The following B4GALNT4 variants were observed in gnomAD, a reference collection of about 807,000 sequenced individuals.
B4GALNT4 encodes beta-1,4-N-acetyl-galactosaminyltransferase 4.
B4GALNT4 carries 77 observed loss-of-function variants against 110.0 expected under a neutral mutation model. The observed-to-expected ratio is 0.70, with a 90% CI of 0.58 to 0.85. The LOEUF (loss-of-function observed/expected upper bound fraction) is 0.85, where lower values mean the gene tolerates loss of function less well. B4GALNT4 is among the 40% of genes least tolerant of loss of function. B4GALNT4 has a pLI of 0.00. For missense variants in B4GALNT4, 1,575 were observed against 1,506.0 expected, an observed-to-expected ratio of 1.05 and a Z score of -0.76; for synonymous variants, 785 against 655.5, an observed-to-expected ratio of 1.20 and a Z score of -3.02.
Position 376,705 on chromosome 11 carries a change from A to ACCAGGGTGCGGC in B4GALNT4, c.1584_1595dup (p.Arg529_Pro532dup). ...GCAGCCGCCCCCAAAGGTGTACGTG[A>ACCAGGGTGCGGC]CCAGGGTGCGGCCGGGACAGCGGGC... On this transcript the variant is annotated inframe_insertion, in exon 14 of 20. Coordinates refer to ENST00000329962, the MANE Select transcript of B4GALNT4 (RefSeq NM_178537.5). 1 of 1,416,888 alleles carries ACCAGGGTGCGGC rather than the reference A, an allele frequency of 7.1e-7. No homozygotes were observed. Among genetic ancestry groups the ACCAGGGTGCGGC allele is most frequent in the Non-Finnish European group, 9.2e-7 (1 of 1,091,044 alleles). The allele number at this position is 1,416,888 out of a possible 1,614,324, so 87.8% of individuals were successfully genotyped here.
At chr11:377,449 G>C (rs1661958279) in intron 14 of B4GALNT4, 122 bp downstream of exon 14, 2 of 1,122,308 alleles carry the variant, frequency 1.8e-6, no homozygotes, top group South Asian at 2.0e-5. Flanking sequence ...TACCGGCCTG[G>C]GGGCTGAGGC....
intron 12 of B4GALNT4, 24 bp downstream of exon 12, chr11:376,198 C>A (rs1285210886): frequency 8.9e-6 from 3 of 336,338 alleles, no homozygotes; most frequent in Non-Finnish European, 1.7e-5. Context: ...CGGGCTAATG[C>A]GGGGCGGGGT....
intron 8 of B4GALNT4, among the ~76,000 whole-genome samples, chr11:374,241 G>A (rs1191554802): frequency 1.3e-5 from 2 of 152,102 alleles, no homozygotes; most frequent in African/African-American, 4.8e-5. Flanking sequence ...GAGGCCATTG[G>A]ATTTGCATTC....
chr11:380,433 CG>C lies in B4GALNT4; in HGVS notation c.2860del (p.Asp954ThrfsTer8). On this transcript the variant is annotated frameshift_variant, in exon 18 of 20. Coordinates refer to ENST00000329962, the MANE Select transcript of B4GALNT4 (RefSeq NM_178537.5). LOFTEE classifies it high-confidence loss of function. ...GCGCCTGAGCTGCGGGAGCTCGCCC[CG>C]GGACCCCCACGGTGAGGCCCCGAGC... ...VMRLSCGSSP[R>X]DPHGYWEVNG... 1 of 1,602,374 alleles carries C rather than the reference CG, an allele frequency of 6.2e-7. No homozygotes were observed. The highest frequency in any genetic ancestry group is 8.5e-7 in the Non-Finnish European group (1 of 1,175,720).
At position 380,119 on chromosome 11, in the gene B4GALNT4, G is replaced by A. The variant is rs774679423; in HGVS notation, c.2643-11G>A. ...CCCCCAGAGATCGTGCCTGTGACTC[G>A]CCCTCCCCAGGTACCAGTACCTGAG... On this transcript the variant is annotated splice_polypyrimidine_tract_variant and intron_variant, in intron 16 of 19. Transcript: ENST00000329962. The A allele has an allele frequency of 1.0e-5, 16 of 1,597,940 alleles. No homozygotes were observed. The South Asian group carries it at 1.8e-4, about 18-fold the overall frequency.
rs949220157 is a variant in B4GALNT4 at position 372,137 on chromosome 11, C to T, written c.180C>T (p.Asp60=). ...GTGAGAAGCTGACCAGTGAGACCGA[C>T]GGCCGGGGGGTCCACGCTGCGCCAT... ...RDGEKLTSET[D]GRGVHAAPST... Residue 60 remains aspartate (D), a synonymous_variant, in exon 2 of 20, where the codon GAC becomes GAT. Transcript: ENST00000329962. The T allele has an allele frequency of 9.0e-6, 14 of 1,549,588 alleles. No individual in the cohort carries two copies. Among genetic ancestry groups the T allele is most frequent in the African/African-American group, 5.5e-5 (4 of 73,024 alleles).
At chr11:380,519 G>T (rs1846853508) in intron 18 of B4GALNT4, 74 bp downstream of exon 18, 21 of 1,523,326 alleles carry the variant, frequency 1.4e-5, no homozygotes, top group Non-Finnish European at 1.8e-5. Context: ...AGGAACCCGG[G>T]GCCTCTCTCA....
intron 6 of B4GALNT4, 72 bp from the exon 7 acceptor site, chr11:373,377 G>A (rs1397950083): frequency 9.6e-6 from 15 of 1,556,328 alleles, no homozygotes; most frequent in Admixed American, 1.7e-5. Context: ...ATGAGGACCC[G>A]ATGGGTTTGG....
chr11:369,912 C>T lies in B4GALNT4; in HGVS notation c.109C>T (p.Arg37Cys), dbSNP rs1469725099. Reference protein sequence around the residue: ...WLTYVHLGLVRQGRALRQRLG... With the variant: ...WLTYVHLGLVCQGRALRQRLG... ...CACCTACGTGCACCTGGGCCTGGTG[C>T]GCCAGGGACGCGCGCTGCGCCAGCG... The change falls in exon 1 of 20, where the codon CGC becomes TGC. Residue 37 changes from arginine to cysteine, a missense_variant. Arg to Cys is a radical substitution (Grantham distance 180). Transcript: ENST00000329962. 1 of 981,554 alleles carries T rather than the reference C, an allele frequency of 1.0e-6. No individual in the cohort carries two copies. Among genetic ancestry groups the T allele is most frequent in the Non-Finnish European group, 1.2e-6 (1 of 829,382 alleles). The allele number at this position is 981,554 out of a possible 1,614,324, so 60.8% of individuals were successfully genotyped here.
At position 373,580 on chromosome 11, in the gene B4GALNT4, C is replaced by T. The variant is rs1219350089; in HGVS notation, c.704+64C>T. On this transcript the variant is annotated intron_variant, in intron 7 of 19. Transcript: ENST00000329962. ...TTCGTGGGAGGGGGTTACGCGCTGT[C>T]TCCTTATCCTGTGCACACTTGCGCA... 5 of 1,567,740 alleles carry T rather than the reference C, an allele frequency of 3.2e-6. No individual in the cohort carries two copies. In the East Asian group the frequency reaches 6.7e-5, roughly 21 times the overall value.
chr11:375,371 T>C, intron 8 of B4GALNT4, 90 bp from the exon 9 acceptor site: 2 of 1,334,508 alleles, frequency 1.5e-6, no homozygotes, highest in Non-Finnish European at 2.1e-6. Context: ...TTGGTCCTAT[T>C]AGTCCCCCGG....
In B4GALNT4 at chr11:373,023, C is replaced by A. The variant is rs375912143; in HGVS notation, c.445-3C>A. 1.9e-5 allele frequency: 31 copies of A among 1,612,384 alleles called. No individual in the cohort carries two copies. The highest frequency in any genetic ancestry group is 1.6e-4 in the Middle Eastern group (1 of 6,080). ...TCGACAGCAACAGTCACTGCCCCCC[C>A]AGACGCGCACCACCGTGAAGAAGTT... On this transcript the variant is annotated splice_polypyrimidine_tract_variant and splice_region_variant and intron_variant, in intron 4 of 19. Transcript: ENST00000329962.
At chr11:370,598 T>G (rs1265221162) in intron 1 of B4GALNT4, among the ~76,000 whole-genome samples, 1 of 152,114 alleles carries the variant, frequency 6.6e-6, no homozygotes, top group African/African-American at 2.4e-5. Flanking sequence ...TAGGGCCTCC[T>G]GGAGATGGTG....
rs112318007 is a variant in B4GALNT4 at position 379,042 on chromosome 11, T to C, written c.2205-376T>C. ...ATCAAAACTGCTTAAGGTCCTAGAA[T>C]GCCACAAAAGCCCCTTGGAACCTTG... On this transcript the variant is annotated intron_variant, in intron 14 of 19. Coordinates refer to ENST00000329962, the MANE Select transcript of B4GALNT4 (RefSeq NM_178537.5). Among the ~76,000 whole-genome samples the C allele has an allele frequency of 8.7e-3, 1,318 of 152,328 alleles. 25 individuals are homozygous for C. Among genetic ancestry groups the C allele is most frequent in the African/African-American group, 0.029 (1,197 of 41,568 alleles).
intron 14 of B4GALNT4, 50 bp from the exon 15 acceptor site, chr11:379,368 C>T (rs763493550): frequency 2.8e-6 from 4 of 1,422,682 alleles, no homozygotes; most frequent in Non-Finnish European, 2.7e-6. Context: ...GGGTTGCGGG[C>T]GGGGTGCAGG....
At chr11:372,239 T>A in intron 2 of B4GALNT4, 27 bp downstream of exon 2, 1 of 1,543,634 alleles carries the variant, frequency 6.5e-7, no homozygotes, top group Non-Finnish European at 8.8e-7. Context: ...GGAGAACACG[T>A]GTGCACGGAG....
In B4GALNT4 at chr11:379,566, C is replaced by T. The variant is rs1443178826; in HGVS notation, c.2353C>T (p.Arg785Cys). 5.4e-5 allele frequency: 86 copies of T among 1,586,438 alleles called. No individual in the cohort carries two copies. Among genetic ancestry groups the T allele is most frequent in the Non-Finnish European group, 7.2e-5 (84 of 1,168,504 alleles). ...EYVFLRLPGA[R>C]VGDADGESPE... is the part of the protein sequence containing the mutation. The stretch of plus-strand genomic sequence containing the variant: ...CGTCTTCCTGCGGCTGCCGGGAGCC[C>T]GCGTAGGGGATGCAGACGGAGAAAG... Residue 785 changes from arginine (R) to cysteine (C), a missense_variant, in exon 15 of 20, where the codon CGC becomes TGC. Physicochemically the swap from Arg to Cys is radical, Grantham distance 180 (BLOSUM62 -3). Transcript: ENST00000329962.
Position 379,974 on chromosome 11 carries a change from A to G in B4GALNT4, c.2597A>G (p.Glu866Gly). Residue 866 changes from glutamate to glycine, a missense_variant, in exon 16 of 20, where the codon GAG becomes GGG. Coordinates refer to ENST00000329962, the MANE Select transcript of B4GALNT4 (RefSeq NM_178537.5). ...FSVVLVDFES[E>G]DMDVERALRA... ...GTCGTCCTGGTGGATTTCGAGAGCG[A>G]GGATATGGACGTGGAGCGGGCCCTG... The G allele has an allele frequency of 6.2e-7, 1 of 1,612,952 alleles. No homozygotes were observed. Among genetic ancestry groups the G allele is most frequent in the South Asian group, 1.1e-5 (1 of 91,068 alleles).
In B4GALNT4 at chr11:381,898, C is replaced by G. The variant is rs972452368; in HGVS notation, c.*106C>G. 2.0e-4 allele frequency: 256 copies of G among 1,308,524 alleles called. No homozygotes were observed. Among genetic ancestry groups the G allele is most frequent in the Non-Finnish European group, 2.5e-4 (249 of 1,003,820 alleles). 81.1% of individuals were successfully genotyped at this position (1,308,524 alleles called of 1,614,324 possible). A position where few individuals can be genotyped will look rare whatever the true frequency, so the allele number is the denominator to read the frequency against. On this transcript the variant is annotated 3_prime_UTR_variant, in exon 20 of 20. Coordinates refer to ENST00000329962, the MANE Select transcript of B4GALNT4 (RefSeq NM_178537.5). ...CCCGGCAGGGCTGGTCAGAGGGGCA[C>G]AGCCACCGCCTGTGCCTGCCCCTCT... is the stretch of plus-strand genomic sequence containing the variant.
Sources: gnomAD v4.1 joint callset for allele counts (sites outside exome capture counted in the v4.1 genomes callset) on GRCh38, gnomAD v4.1.1 for gene constraint, MANE v1.5 for transcripts, NCBI Gene and HGNC (gene_info 2026-07-23, HGNC 2026-07-21) for gene names.